ADAMTSL3: variants seen among roughly 807,000 people sequenced by gnomAD.
ADAMTSL3 encodes the protein ADAMTS like 3.
In ADAMTSL3, 128 loss-of-function variants were observed where a neutral mutation model predicts 201.7. The ratio of observed to expected loss-of-function variants is 0.63; its 90% CI spans 0.55 to 0.73. ADAMTSL3 has a LOEUF of 0.73. Ranked by LOEUF, ADAMTSL3 falls within the 30% of genes least tolerant of loss-of-function variation. The pLI is 0.00. For missense variants in ADAMTSL3, 1,990 were observed against 2,119.6 expected, an observed-to-expected ratio of 0.94 and a Z score of 1.20; for synonymous variants, 738 against 748.4, an observed-to-expected ratio of 0.99 and a Z score of 0.23.
At chr15:83,940,939 A>G (rs2066547063) in intron 17 of ADAMTSL3, among the ~76,000 whole-genome samples, 1 of 152,082 alleles carries the variant, frequency 6.6e-6, no homozygotes, top group Non-Finnish European at 1.5e-5. Context: ...CTTGAATGGA[A>G]CTTTTGTAAT....
chr15:84,025,619 C>T, intron 27 of ADAMTSL3, 183 bp downstream of exon 27: 1 of 616,838 alleles, frequency 1.6e-6, no homozygotes, highest in Non-Finnish European at 2.7e-6. Context: ...TCTCTGTCTT[C>T]CAGTACAAAA....
chr15:83,710,682 A>G (rs2061921931), intron 3 of ADAMTSL3, among the ~76,000 whole-genome samples: 1 of 152,094 alleles, frequency 6.6e-6, no homozygotes, highest in South Asian at 2.1e-4. Context: ...TTGGCTGCCT[A>G]TTTGTATGAT....
intron 27 of ADAMTSL3, among the ~76,000 whole-genome samples, chr15:84,029,804 TTCCTGGGCTGAGCCCA>T (rs1290987949): frequency 2.0e-5 from 3 of 152,228 alleles, no homozygotes; most frequent in African/African-American, 7.2e-5. Flanking sequence ...AAAAAGTGGT[TTCCTGGGCTGAGCCCA>T]GGAACTTGCT....
At chr15:83,803,362 GC>G (rs2063552844) in intron 4 of ADAMTSL3, among the ~76,000 whole-genome samples, 1 of 151,758 alleles carries the variant, frequency 6.6e-6, no homozygotes, top group African/African-American at 2.4e-5. Context: ...AATCATACTG[GC>G]AAAAAAATGA....
intron 9 of ADAMTSL3, among the ~76,000 whole-genome samples, chr15:83,883,118 G>T (rs1240295084): frequency 6.6e-6 from 1 of 151,058 alleles, no homozygotes; most frequent in Non-Finnish European, 1.5e-5. Context: ...TTTCTCATAT[G>T]AAATATCTTT....
At chr15:83,746,472 G>A (rs1249922105) in intron 3 of ADAMTSL3, among the ~76,000 whole-genome samples, 1 of 152,008 alleles carries the variant, frequency 6.6e-6, no homozygotes, top group Non-Finnish European at 1.5e-5. Flanking sequence ...CAAATCCTCT[G>A]TTTGCTTTAC....
intron 6 of ADAMTSL3, among the ~76,000 whole-genome samples, chr15:83,823,202 GAGGGAGAGGGT>G: frequency 2.5e-5 from 3 of 118,030 alleles, no homozygotes; most frequent in Non-Finnish European, 5.1e-5. Flanking sequence ...GGGAGAGGGT[GAGGGAGAGGGT>G]GAGGGGGAGG....
intron 3 of ADAMTSL3, among the ~76,000 whole-genome samples, chr15:83,714,897 CCTT>C: frequency 3.8e-5 from 2 of 52,192 alleles, no homozygotes; most frequent in Non-Finnish European, 6.8e-5. Context: ...TTCCTTCCTT[CCTT>C]CCTTCCTTCC....
intron 16 of ADAMTSL3, among the ~76,000 whole-genome samples, chr15:83,916,976 C>T (rs1228252106): frequency 6.6e-6 from 1 of 152,142 alleles, no homozygotes; most frequent in African/African-American, 2.4e-5. Flanking sequence ...TGGTACTTGC[C>T]TCTGTGATCT....
intron 4 of ADAMTSL3, among the ~76,000 whole-genome samples, chr15:83,791,654 C>G (rs952581708): frequency 1.3e-5 from 2 of 152,006 alleles, no homozygotes; most frequent in African/African-American, 4.8e-5. Context: ...GTCAGGAGAT[C>G]GAGACCATCC....
intron 20 of ADAMTSL3, among the ~76,000 whole-genome samples, chr15:83,980,263 C>T (rs1046571618): frequency 1.9e-4 from 29 of 152,190 alleles, no homozygotes; most frequent in Non-Finnish European, 5.9e-5. Flanking sequence ...TGTCCATAAT[C>T]GAACAACTAT....
chr15:83,975,833 A>G (rs913331811), intron 20 of ADAMTSL3, among the ~76,000 whole-genome samples: 9 of 152,222 alleles, frequency 5.9e-5, no homozygotes, highest in African/African-American at 2.2e-4. Context: ...AAAGTTAGCT[A>G]TAGAGACTCT....
chr15:83,958,143 C>A (rs1315863436), intron 19 of ADAMTSL3, among the ~76,000 whole-genome samples: 1 of 152,078 alleles, frequency 6.6e-6, no homozygotes, highest in East Asian at 1.9e-4. Flanking sequence ...AGAGACAGGG[C>A]CAAGAGTTGT....
chr15:83,946,368 A>ATCCTTGGTCCAAC lies in ADAMTSL3; in HGVS notation c.2490+3288_2490+3300dup, dbSNP rs552177296. 3.2e-3 allele frequency among the ~76,000 whole-genome samples: 492 copies of ATCCTTGGTCCAAC among 152,278 alleles called. 1 individual carries two copies. Among genetic ancestry groups the ATCCTTGGTCCAAC allele is most frequent in the Non-Finnish European group, 5.5e-3 (373 of 68,016 alleles). On this transcript the variant is annotated intron_variant, in intron 19 of 29. Coordinates refer to ENST00000286744, the MANE Select transcript of ADAMTSL3 (RefSeq NM_207517.3). The stretch of plus-strand genomic sequence containing the variant: ...GTGTCTTTGCTCTTGTGGCTTTCAA[A>ATCCTTGGTCCAAC]TCCTTGGTCCAACTGTGAGCTTTCC...
At chr15:83,865,151 G>T (rs1380788444) in intron 8 of ADAMTSL3, among the ~76,000 whole-genome samples, 1 of 152,144 alleles carries the variant, frequency 6.6e-6, no homozygotes, top group Non-Finnish European at 1.5e-5. Context: ...ATGCTCGTGG[G>T]TAGGAAGAAT....
At chr15:83,697,670 T>C (rs2061704178) in intron 2 of ADAMTSL3, among the ~76,000 whole-genome samples, 1 of 152,160 alleles carries the variant, frequency 6.6e-6, no homozygotes, top group South Asian at 2.1e-4. Flanking sequence ...AGGTCCCAAG[T>C]GCAGGAGTTG....
chr15:83,953,319 A>C (rs138292626), intron 19 of ADAMTSL3, among the ~76,000 whole-genome samples: 1 of 151,816 alleles, frequency 6.6e-6, no homozygotes, highest in African/African-American at 2.4e-5. Context: ...TTTTGATTTG[A>C]GATTACCATG....
intron 3 of ADAMTSL3, among the ~76,000 whole-genome samples, chr15:83,747,803 G>C (rs938646929): frequency 1.3e-5 from 2 of 151,804 alleles, no homozygotes; most frequent in African/African-American, 4.8e-5. Flanking sequence ...AGAAACAAAA[G>C]GAACAGTTTT....
chr15:84,037,205 G>C (rs942034141), intron 29 of ADAMTSL3, among the ~76,000 whole-genome samples: 1 of 152,166 alleles, frequency 6.6e-6, no homozygotes, highest in Non-Finnish European at 1.5e-5. Context: ...AGTTGGATTA[G>C]TAGCATGCCA....
Sources: allele counts gnomAD v4.1 joint callset (sites outside exome capture counted in the v4.1 genomes callset), GRCh38; gene constraint gnomAD v4.1.1; transcripts MANE v1.5; gene names NCBI Gene and HGNC (gene_info 2026-07-23, HGNC 2026-07-21).